Variants in FHIT observed in about 807,000 individuals in gnomAD.
FHIT encodes bis(5'-adenosyl)-triphosphatase.
In FHIT, 19 loss-of-function variants were observed where a neutral mutation model predicts 17.9. That is an observed-to-expected ratio of 1.06 (90% CI 0.74 to 1.56). The LOEUF (loss-of-function observed/expected upper bound fraction) is 1.56. FHIT is among the 40% of genes most tolerant of loss of function. The pLI, the probability that FHIT is intolerant of heterozygous loss-of-function variation, is 0.00. For synonymous variants in FHIT, 81 were observed against 69.7 expected (o/e 1.16, Z -0.81); for missense variants, 248 against 189.2 (o/e 1.31, Z -1.82).
intron 3 of FHIT, among the ~76,000 whole-genome samples, chr3:60,954,159 C>T (rs1709013908): frequency 6.6e-6 from 1 of 152,196 alleles, no homozygotes; most frequent in African/African-American, 2.4e-5. Flanking sequence ...CCAAAGGACA[C>T]ATGATGTCAT....
At chr3:60,029,086 G>A (rs938307975) in intron 5 of FHIT, among the ~76,000 whole-genome samples, 1 of 152,124 alleles carries the variant, frequency 6.6e-6, no homozygotes, top group African/African-American at 2.4e-5. Flanking sequence ...TGTTTCTAAT[G>A]TTTTAAATTA....
chr3:60,845,657 T>C (rs1383760352), intron 3 of FHIT, among the ~76,000 whole-genome samples: 5 of 152,222 alleles, frequency 3.3e-5, no homozygotes, highest in Non-Finnish European at 7.4e-5. Flanking sequence ...CCAATTCTGA[T>C]GCTGATTATT....
intron 3 of FHIT, among the ~76,000 whole-genome samples, chr3:60,969,262 G>C (rs1709894428): frequency 6.6e-6 from 1 of 151,956 alleles, no homozygotes. Context: ...TATTTTTAAG[G>C]AATTTAACCA....
chr3:60,433,693 T>A (rs1173051560), intron 5 of FHIT, among the ~76,000 whole-genome samples: 1 of 152,156 alleles, frequency 6.6e-6, no homozygotes, highest in African/African-American at 2.4e-5. Flanking sequence ...TCATTTCATA[T>A]ACCTGTTGGC....
At chr3:60,234,907 T>G (rs541033235) in intron 5 of FHIT, among the ~76,000 whole-genome samples, 7 of 152,160 alleles carry the variant, frequency 4.6e-5, no homozygotes, top group Non-Finnish European at 7.3e-5. Context: ...TGGTTTAGTA[T>G]CACATTCGAG....
chr3:61,166,886 A>C (rs1021719317), intron 2 of FHIT: 3 of 152,226 alleles, frequency 2.0e-5, no homozygotes, highest in Non-Finnish European at 2.9e-5. Context: ...GCAATAAAAA[A>C]ATCAACAAAT....
intron 5 of FHIT, among the ~76,000 whole-genome samples, chr3:60,336,802 A>G (rs1710261119): frequency 6.6e-6 from 1 of 152,048 alleles, no homozygotes; most frequent in Non-Finnish European, 1.5e-5. Flanking sequence ...ACTTAAAGAG[A>G]GAAGCAAATA....
At chr3:60,984,929 C>T (rs1430289616) in intron 3 of FHIT, among the ~76,000 whole-genome samples, 1 of 152,022 alleles carries the variant, frequency 6.6e-6, no homozygotes, top group Non-Finnish European at 1.5e-5. Context: ...TATAGAGAAT[C>T]CCTGGAGTCA....
Position 61,013,178 on chromosome 3 carries a change from G to T in FHIT, c.-111+28869C>A, listed in dbSNP as rs7431422. ...GTTCAGGGAGCAAAAAAAGAAAGAA[G>T]AAAAAAAGGAGCTTTCTGCTTTGTT... On this transcript the variant is annotated intron_variant, in intron 3 of 9. Transcript: ENST00000492590. Among the ~76,000 whole-genome samples, 3 of 151,872 alleles carry T rather than the reference G, an allele frequency of 2.0e-5. No homozygotes were observed. The South Asian group carries it at 6.2e-4, about 31-fold the overall frequency.
intron 4 of FHIT, among the ~76,000 whole-genome samples, chr3:60,820,618 G>A (rs2736744): frequency 0.54 from 81,311 of 151,876 alleles, 22,517 homozygotes; most frequent in East Asian, 0.85. Flanking sequence ...TGCATAAACC[G>A]TGGGTTTCAA....
intron 4 of FHIT, among the ~76,000 whole-genome samples, chr3:60,790,227 A>G (rs536134431): frequency 9.6e-4 from 147 of 152,342 alleles, no homozygotes; most frequent in Non-Finnish European, 1.7e-3. Flanking sequence ...GCAATGCACC[A>G]AAGTCAACGG....
At chr3:59,782,804 A>ATT (rs35886908) in intron 8 of FHIT, among the ~76,000 whole-genome samples, 7 of 151,386 alleles carry the variant, frequency 4.6e-5, no homozygotes, top group East Asian at 1.9e-4. Flanking sequence ...TCTTTCTGGC[A>ATT]TTTTTTTTTC....
At chr3:60,136,280 T>C (rs556510263) in intron 5 of FHIT, among the ~76,000 whole-genome samples, 8 of 152,252 alleles carry the variant, frequency 5.3e-5, no homozygotes, top group Admixed American at 3.9e-4. Flanking sequence ...ATTCCTTGTG[T>C]TTCCTGAATG....
intron 3 of FHIT, among the ~76,000 whole-genome samples, chr3:60,968,054 A>G (rs1559874481): frequency 1.3e-5 from 2 of 152,244 alleles, no homozygotes; most frequent in South Asian, 2.1e-4. Flanking sequence ...AACAAAAACA[A>G]TTTTTAAAGG....
At chr3:60,370,570 G>C (rs1444932889) in intron 5 of FHIT, among the ~76,000 whole-genome samples, 1 of 152,106 alleles carries the variant, frequency 6.6e-6, no homozygotes, top group Admixed American at 6.5e-5. Context: ...ACCTCTTCCT[G>C]AATCTGCATT....
At chr3:60,190,392 G>T (rs78283425) in intron 5 of FHIT, among the ~76,000 whole-genome samples, 2 of 151,986 alleles carry the variant, frequency 1.3e-5, no homozygotes, top group African/African-American at 2.4e-5. Flanking sequence ...AAAAAAGGTG[G>T]AAAAGAACAA....
intron 8 of FHIT, among the ~76,000 whole-genome samples, chr3:59,763,795 C>T (rs964906249): frequency 4.8e-4 from 73 of 152,254 alleles, no homozygotes; most frequent in African/African-American, 1.6e-3. Context: ...GGTCTGTGCA[C>T]TGGCTGAAGG....
chr3:60,451,513 G>T (rs2031744390), intron 5 of FHIT, among the ~76,000 whole-genome samples: 1 of 152,078 alleles, frequency 6.6e-6, no homozygotes, highest in South Asian at 2.1e-4. Context: ...AAACCATATA[G>T]TACATACACT....
intron 2 of FHIT, among the ~76,000 whole-genome samples, chr3:61,061,683 A>C (rs1034754329): frequency 6.6e-6 from 1 of 152,112 alleles, no homozygotes; most frequent in Non-Finnish European, 1.5e-5. Context: ...TGTGTTCTTA[A>C]CTTCCACATG....
Sources: gnomAD v4.1 joint callset for allele counts (sites outside exome capture counted in the v4.1 genomes callset) on GRCh38, gnomAD v4.1.1 for gene constraint, MANE v1.5 for transcripts, NCBI Gene and HGNC (gene_info 2026-07-23, HGNC 2026-07-21) for gene names.